ABCA12: variants seen among roughly 807,000 people sequenced by gnomAD.
ABCA12 encodes ATP binding cassette subfamily A member 12.
A neutral mutation model predicts 293.5 loss-of-function variants in ABCA12; 156 were observed. That is an observed-to-expected ratio of 0.53 (90% confidence interval 0.47 to 0.61). The LOEUF is 0.61. Ranked by LOEUF, ABCA12 falls within the 20% of genes least tolerant of loss-of-function variation. The pLI, the probability that ABCA12 is intolerant of heterozygous loss-of-function variation, is 0.00. For synonymous variants in ABCA12, 1,063 were observed against 1,108.0 expected, an observed-to-expected ratio of 0.96 and a Z score of 0.81; for missense variants, 2,797 against 3,090.2, an observed-to-expected ratio of 0.91 and a Z score of 2.25.
chr2:215,042,902 C>T (rs185803655), intron 7 of ABCA12, among the ~76,000 whole-genome samples: 184 of 152,196 alleles, frequency 1.2e-3, no homozygotes, highest in African/African-American at 4.3e-3. Flanking sequence ...ACTATGAGAT[C>T]AACTTTTTTA....
chr2:215,118,840 C>T (rs1372962140), intron 1 of ABCA12, among the ~76,000 whole-genome samples: 3 of 152,006 alleles, frequency 2.0e-5, no homozygotes, highest in Admixed American at 1.3e-4. Flanking sequence ...GTCTTTTGCC[C>T]GTTTTTTAAA....
intron 2 of ABCA12, among the ~76,000 whole-genome samples, chr2:215,106,022 T>C (rs570349697): frequency 1.6e-4 from 24 of 152,298 alleles, no homozygotes; most frequent in African/African-American, 5.1e-4. Flanking sequence ...AGATCATGGG[T>C]GTGCTGGAGA....
chr2:214,939,477 G>C (rs1179840070), intron 50 of ABCA12, among the ~76,000 whole-genome samples: 2 of 152,094 alleles, frequency 1.3e-5, no homozygotes, highest in Non-Finnish European at 2.9e-5. Context: ...GAAATTTAAA[G>C]TAGTTTTTTC....
intron 29 of ABCA12, among the ~76,000 whole-genome samples, chr2:214,983,112 G>A (rs1429711373): frequency 6.6e-6 from 1 of 152,182 alleles, no homozygotes; most frequent in Non-Finnish European, 1.5e-5. Context: ...CTAGGCCAGT[G>A]TGCCTTGAGC....
At chr2:214,952,270 G>T (rs1348855354) in intron 44 of ABCA12, among the ~76,000 whole-genome samples, 1 of 150,750 alleles carries the variant, frequency 6.6e-6, no homozygotes, top group East Asian at 2.0e-4. Context: ...ACGCAGGCTG[G>T]AGTGCAGTGG....
At position 215,109,972 on chromosome 2, in the gene ABCA12, T is replaced by C. The variant is rs537654608; in HGVS notation, c.163+1625A>G. On this transcript the variant is annotated intron_variant, in intron 2 of 52. Transcript: ENST00000272895. The stretch of plus-strand genomic sequence containing the variant: ...TATTTAAGAGTATTTGTCCTACTTA[T>C]ATGGTATTCCTGAAGCCCATGCTAC... 3.3e-5 allele frequency among the ~76,000 whole-genome samples: 5 copies of C among 152,350 alleles called. No individual in the cohort carries two copies. In the East Asian group the frequency reaches 7.7e-4, roughly 23 times the overall value.
rs1271576079 is a variant in ABCA12, at chr2:214,989,235, A to T, written c.3829+94T>A. On this transcript the variant is annotated intron_variant, in intron 26 of 52. Transcript: ENST00000272895. ...AATATTTTTATTTTTTAATTTAAAA[A>T]TTTTTTGCAAATAAAATATTAGAAC... is the stretch of plus-strand genomic sequence containing the variant. The T allele has an allele frequency of 4.4e-5, 31 of 706,532 alleles. 2 individuals are homozygous for T. In the South Asian group the frequency reaches 8.1e-4, roughly 18 times the overall value. The allele number at this position is 706,532 out of a possible 1,614,324, so 43.8% of individuals were successfully genotyped here.
At position 214,987,788 on chromosome 2, in the gene ABCA12, A is replaced by G. The variant is rs1335139515; in HGVS notation, c.3835T>C (p.Tyr1279His). 8 of 1,613,560 alleles carry G rather than the reference A, an allele frequency of 5.0e-6. No individual in the cohort carries two copies. Among genetic ancestry groups the G allele is most frequent in the Admixed American group, 1.7e-5 (1 of 59,994 alleles). ...AAATACCAGGGAGCTGCCATACCGT[A>G]TGTCCCTGGAATAAAAATATATCAG... ...WYVRNVFPGT[Y>H]GMAAPWYFPI... The change falls in exon 27 of 53, where the codon TAC becomes CAC. Residue 1279 changes from tyrosine (Y) to histidine (H), a missense_variant. Physicochemically the swap from Tyr to His is moderately conservative, Grantham distance 83. This residue lies in a region of ABCA12 where 2,130 missense variants were observed against 2,427.0 expected (regional missense o/e 0.88). Transcript: ENST00000272895.
intron 1 of ABCA12, among the ~76,000 whole-genome samples, chr2:215,134,903 C>A (rs1703177268): frequency 6.6e-6 from 1 of 151,922 alleles, no homozygotes; most frequent in Non-Finnish European, 1.5e-5. Context: ...CTGCCTTGGC[C>A]TCTCAAAGGA....
chr2:214,968,244 C>A lies in ABCA12; in HGVS notation c.5778+476G>T, dbSNP rs186296615. 8.5e-5 allele frequency among the ~76,000 whole-genome samples: 13 copies of A among 152,136 alleles called. No individual in the cohort carries two copies. In the East Asian group the frequency reaches 2.3e-3, roughly 27 times the overall value. On this transcript the variant is annotated intron_variant, in intron 38 of 52. Transcript: ENST00000272895. ...CTCTGTGTCCTTCCAAATCACAATA[C>A]CCTCCCTTTCCCCTAAACAAACGGT...
intron 39 of ABCA12, among the ~76,000 whole-genome samples, chr2:214,961,634 A>C (rs1699116016): frequency 6.6e-6 from 1 of 152,152 alleles, no homozygotes; most frequent in African/African-American, 2.4e-5. Context: ...TTTTGCTCTG[A>C]GTAAAACACC....
chr2:215,126,583 T>G (rs1171392255), intron 1 of ABCA12, among the ~76,000 whole-genome samples: 1 of 152,172 alleles, frequency 6.6e-6, no homozygotes. Context: ...CTAGTTTATG[T>G]GCAGAAAGGT....
chr2:215,075,555 T>G, intron 2 of ABCA12: 1 of 698,092 alleles, frequency 1.4e-6, no homozygotes. Flanking sequence ...TCCTCATTTA[T>G]GCAGGAAAAA....
chr2:214,968,892 C>CTT, intron 37 of ABCA12, 85 bp from the exon 38 acceptor site: 4 of 1,168,986 alleles, frequency 3.4e-6, no homozygotes, highest in Non-Finnish European at 5.1e-6. Flanking sequence ...AGGAGCTCAA[C>CTT]TTTTTGTTTC....
intron 23 of ABCA12, among the ~76,000 whole-genome samples, chr2:214,991,515 A>G (rs1463395802): frequency 6.6e-6 from 1 of 152,122 alleles, no homozygotes; most frequent in Non-Finnish European, 1.5e-5. Context: ...GAACAACACA[A>G]TCAGTATTGA....
At chr2:215,016,918 T>C (rs559834013) in intron 14 of ABCA12, among the ~76,000 whole-genome samples, 2 of 152,268 alleles carry the variant, frequency 1.3e-5, no homozygotes, top group South Asian at 4.1e-4. Flanking sequence ...TTGAAAGTAA[T>C]AAGAATGTAG....
rs1702483089 is a variant in ABCA12, at chr2:215,107,306, T to C, written c.163+4291A>G. Among the ~76,000 whole-genome samples, 5 of 152,328 alleles carry C rather than the reference T, an allele frequency of 3.3e-5. No homozygotes were observed. In the South Asian group the frequency reaches 1.0e-3, roughly 32 times the overall value. Reference sequence around the variant, plus strand: ...TCTAAGTGTGTCTTGTAGAGATTTGTGCTGTTTTGTTGGCCCTTGATCCTA... The same window carrying C: ...TCTAAGTGTGTCTTGTAGAGATTTGCGCTGTTTTGTTGGCCCTTGATCCTA... On this transcript the variant is annotated intron_variant, in intron 2 of 52. Transcript: ENST00000272895.
In ABCA12 at chr2:214,945,916, G is replaced by A. The variant is rs918223049; in HGVS notation, c.7240-812C>T. Among the ~76,000 whole-genome samples, 8 of 152,148 alleles carry A rather than the reference G, an allele frequency of 5.3e-5. 1 individual carries two copies. Among genetic ancestry groups the A allele is most frequent in the African/African-American group, 1.9e-4 (8 of 41,444 alleles). ...GTGGAGAGTAGAATAATGGTTACTG[G>A]AGGCTGGAGGCATAGCGGGGAGAGG... On this transcript the variant is annotated intron_variant, in intron 48 of 52. Coordinates refer to ENST00000272895, the MANE Select transcript of ABCA12 (RefSeq NM_173076.3).
At chr2:214,957,142 G>A (rs182778180) in intron 41 of ABCA12, among the ~76,000 whole-genome samples, 49 of 152,274 alleles carry the variant, frequency 3.2e-4, no homozygotes, top group African/African-American at 9.9e-4. Flanking sequence ...TATTGATTTC[G>A]TTTTGAATGC....
Sources: allele counts gnomAD v4.1 joint callset (sites outside exome capture counted in the v4.1 genomes callset), GRCh38; gene constraint gnomAD v4.1.1; regional missense constraint gnomAD v4.1.1; transcripts MANE v1.5; gene names NCBI Gene and HGNC (gene_info 2026-07-23, HGNC 2026-07-21).